The following KLHL13 variants were observed in gnomAD, a reference collection of about 807,000 sequenced individuals.
KLHL13 encodes the protein kelch-like protein 13.
KLHL13 carries 10 observed loss-of-function variants against 37.1 expected under a neutral mutation model. The ratio of observed to expected loss-of-function variants is 0.27; its 90% CI spans 0.17 to 0.46. The LOEUF is 0.46. Among genes scored for constraint, KLHL13 ranks in the 20% least tolerant of loss-of-function variants. The pLI is 1.00. For missense variants in KLHL13, 360 were observed against 509.3 expected (o/e 0.71, Z 2.82); for synonymous variants, 163 against 181.2 (o/e 0.90, Z 0.81).
chrX:117,941,236 T>C (rs911336018), intron 2 of KLHL13, among the ~76,000 whole-genome samples: 23 of 112,382 alleles, frequency 2.0e-4, no homozygotes, highest in African/African-American at 6.8e-4. Context: ...GTTTATGTGA[T>C]GGATTACATT....
At chrX:117,967,289 C>A (rs771649530) in intron 1 of KLHL13, among the ~76,000 whole-genome samples, 1 of 111,618 alleles carries the variant, frequency 9.0e-6, no homozygotes, top group South Asian at 3.8e-4. Context: ...GGATATAAAG[C>A]AATACATCAT....
intron 1 of KLHL13, among the ~76,000 whole-genome samples, chrX:118,091,545 G>GA (rs1321653353): frequency 7.2e-5 from 8 of 110,531 alleles, no homozygotes; most frequent in Non-Finnish European, 1.3e-4. Context: ...AAAGACAGAG[G>GA]AAAAATCAGT....
intron 1 of KLHL13, among the ~76,000 whole-genome samples, chrX:117,978,856 T>A (rs1205099646): frequency 9.3e-6 from 1 of 107,575 alleles, no homozygotes; most frequent in Non-Finnish European, 1.9e-5. Flanking sequence ...AAAAAAAAAA[T>A]GCTTTAAACT....
At chrX:118,107,408 A>G (rs1051400840) in intron 1 of KLHL13, among the ~76,000 whole-genome samples, 1 of 111,835 alleles carries the variant, frequency 8.9e-6, no homozygotes, top group African/African-American at 3.2e-5. Context: ...CATTCCAGCT[A>G]GGATTAAGAC....
intron 1 of KLHL13, among the ~76,000 whole-genome samples, chrX:117,951,824 T>C (rs754223759): frequency 2.7e-5 from 3 of 112,372 alleles, no homozygotes; most frequent in Non-Finnish European, 5.6e-5. Context: ...TTAATCCTTG[T>C]AATAACTCAT....
intron 1 of KLHL13, among the ~76,000 whole-genome samples, chrX:118,109,329 T>C (rs1490042010): frequency 8.0e-5 from 9 of 111,858 alleles, no homozygotes; most frequent in Admixed American, 7.6e-4. Flanking sequence ...CATGGGAATT[T>C]ACGGCTATGA....
chrX:118,006,226 C>T (rs920944948), intron 1 of KLHL13, among the ~76,000 whole-genome samples: 2 of 111,833 alleles, frequency 1.8e-5, no homozygotes, highest in African/African-American at 6.5e-5. Context: ...AAAGGCTATA[C>T]TAATTTAACT....
intron 1 of KLHL13, among the ~76,000 whole-genome samples, chrX:118,084,135 C>T (rs752783662): frequency 1.9e-5 from 2 of 102,890 alleles, no homozygotes; most frequent in Non-Finnish European, 4.0e-5. Flanking sequence ...GCCTGAGCAA[C>T]ATAATGAAAC....
intron 1 of KLHL13, among the ~76,000 whole-genome samples, chrX:118,090,143 T>C (rs1205341439): frequency 4.7e-5 from 5 of 106,996 alleles, no homozygotes; most frequent in African/African-American, 1.7e-4. Flanking sequence ...TAATTCAAGA[T>C]GGATTAAAGA....
chrX:118,089,172 T>C (rs983857378), intron 1 of KLHL13, among the ~76,000 whole-genome samples: 2 of 111,509 alleles, frequency 1.8e-5, no homozygotes, highest in Non-Finnish European at 3.8e-5. Flanking sequence ...GACTTCCACC[T>C]TCACAATGCT....
chrX:118,076,115 T>C lies in KLHL13; in HGVS notation c.-56+40393A>G, dbSNP rs752154267. On this transcript the variant is annotated intron_variant, in intron 1 of 6. Coordinates refer to the KLHL13 transcript ENST00000371882. ...GATTATTAATATTTATAATTTATTT[T>C]ACAACAGTTTTTGTCCCTTCTATTT... Among the ~76,000 whole-genome samples the C allele has an allele frequency of 2.8e-4, 31 of 111,877 alleles. 1 individual carries two copies. Among genetic ancestry groups the C allele is most frequent in the Non-Finnish European group, 4.7e-4 (25 of 53,125 alleles).
At chrX:118,051,480 G>A (rs924508225) in intron 1 of KLHL13, among the ~76,000 whole-genome samples, 31 of 110,500 alleles carry the variant, frequency 2.8e-4, no homozygotes. Context: ...GGCAGAGCTT[G>A]CAGTGAGCCG....
chrX:118,101,848 A>G (rs1473768082), intron 1 of KLHL13, among the ~76,000 whole-genome samples: 1 of 111,805 alleles, frequency 8.9e-6, no homozygotes, highest in African/African-American at 3.3e-5. Flanking sequence ...CACCTTGTGA[A>G]GAAGGTGCTT....
chrX:118,001,868 C>CA (rs35056707), intron 1 of KLHL13, among the ~76,000 whole-genome samples: 2,638 of 41,509 alleles, frequency 0.064, 148 homozygotes, highest in African/African-American at 0.16. Context: ...AAGACCCCGT[C>CA]AAAAAAAAAA....
chrX:118,011,554 T>C (rs192428321), intron 1 of KLHL13, among the ~76,000 whole-genome samples: 43 of 109,790 alleles, frequency 3.9e-4, no homozygotes, highest in African/African-American at 1.3e-3. Flanking sequence ...AAGGAAGTGA[T>C]AATAAGGATA....
At chrX:117,980,564 A>T (rs2053649104) in intron 1 of KLHL13, among the ~76,000 whole-genome samples, 1 of 111,801 alleles carries the variant, frequency 8.9e-6, no homozygotes, top group Admixed American at 9.5e-5. Flanking sequence ...AATATTGGTT[A>T]AAAATACTTA....
intron 1 of KLHL13, among the ~76,000 whole-genome samples, chrX:118,023,876 G>A (rs7890745): frequency 0.053 from 5,975 of 111,817 alleles, 386 homozygotes; most frequent in African/African-American, 0.18. Flanking sequence ...ATGTTTTACT[G>A]TATTTGGAAT....
At chrX:118,046,267 T>C (rs1294042917) in intron 1 of KLHL13, among the ~76,000 whole-genome samples, 1 of 112,147 alleles carries the variant, frequency 8.9e-6, no homozygotes, top group African/African-American at 3.2e-5. Context: ...GGACATTGTG[T>C]TAAGTGAAAT....
chrX:117,921,319 C>T (rs1931684672), intron 2 of KLHL13, among the ~76,000 whole-genome samples: 1 of 111,187 alleles, frequency 9.0e-6, no homozygotes, highest in Non-Finnish European at 1.9e-5. Context: ...GGGATGGATA[C>T]CCCATTTACC....
Sources: allele counts gnomAD v4.1 joint callset (sites outside exome capture counted in the v4.1 genomes callset), GRCh38; gene constraint gnomAD v4.1.1; transcripts MANE v1.5; gene names NCBI Gene and HGNC (gene_info 2026-07-23, HGNC 2026-07-21).